Variants in AGPAT5 observed in about 807,000 individuals in gnomAD.
The protein encoded by AGPAT5 is 1-acyl-sn-glycerol-3-phosphate acyltransferase epsilon.
In AGPAT5, 46 loss-of-function variants were observed where a neutral mutation model predicts 45.6. That is an observed-to-expected ratio of 1.01 (90% CI 0.80 to 1.29). The LOEUF is 1.29. Ranked by LOEUF, AGPAT5 falls within the 50% of genes most tolerant of loss-of-function variation. AGPAT5 has a pLI of 0.00. For missense variants in AGPAT5, 673 were observed against 450.7 expected (o/e 1.49, Z -4.47); for synonymous variants, 272 against 167.0 (o/e 1.63, Z -4.85).
intron 1 of AGPAT5, 99 bp downstream of exon 1, chr8:6,708,986 C>T (rs748058111): frequency 2.3e-5 from 27 of 1,179,566 alleles, no homozygotes; most frequent in Non-Finnish European, 3.3e-5. Flanking sequence ...ACCCGGCCGG[C>T]CCGGCGGACC....
rs1330111118 is a variant in AGPAT5, at chr8:6,724,780, ATCATTCGTCAGTTTCT to A, written c.220-86_220-71del. 502 of 406,486 alleles carry A rather than the reference ATCATTCGTCAGTTTCT, an allele frequency of 1.2e-3. 5 individuals are homozygous for A. The highest frequency in any genetic ancestry group is 3.1e-5 in the Non-Finnish European group (7 of 223,936). 25.2% of individuals were successfully genotyped at this position (406,486 alleles called of 1,614,324 possible). ...AATCATGGATGGAAATATTCACAAC[ATCATTCGTCAGTTTCT>A]TCACATTGTCTTCCTTTGTATATTA... On this transcript the variant is annotated intron_variant, in intron 1 of 7. Transcript: ENST00000285518.
In AGPAT5 at chr8:6,712,848, A is replaced by G. The variant is rs545383743; in HGVS notation, c.219+3961A>G. Among the ~76,000 whole-genome samples, 95 of 152,348 alleles carry G rather than the reference A, an allele frequency of 6.2e-4. 1 individual carries two copies. The highest frequency in any genetic ancestry group is 2.2e-3 in the African/African-American group (93 of 41,592). On this transcript the variant is annotated intron_variant, in intron 1 of 7. Coordinates refer to ENST00000285518, the MANE Select transcript of AGPAT5 (RefSeq NM_018361.5). Reference sequence around the variant, plus strand: ...TTAGCATGTTCTGTGAAGCTGATAAATGTTAATAGGATGTCTTCAAATGTC... The same window carrying G: ...TTAGCATGTTCTGTGAAGCTGATAAGTGTTAATAGGATGTCTTCAAATGTC...
chr8:6,743,880 A>G (rs772076437), intron 5 of AGPAT5, among the ~76,000 whole-genome samples: 18 of 152,106 alleles, frequency 1.2e-4, no homozygotes, highest in Non-Finnish European at 2.4e-4. Flanking sequence ...TGATGTGTCT[A>G]TAATGGCAAA....
chr8:6,728,511 T>G (rs1157345195), intron 2 of AGPAT5, among the ~76,000 whole-genome samples: 1 of 152,240 alleles, frequency 6.6e-6, no homozygotes, highest in Non-Finnish European at 1.5e-5. Flanking sequence ...ATTATGAACA[T>G]GATGTATTTT....
intron 6 of AGPAT5, among the ~76,000 whole-genome samples, chr8:6,754,239 A>G (rs552182483): frequency 7.2e-4 from 109 of 152,346 alleles, no homozygotes; most frequent in African/African-American, 2.5e-3. Flanking sequence ...ACCTTGTGCA[A>G]TCGAGGCTGA....
chr8:6,742,145 G>C (rs1004641428), intron 5 of AGPAT5, among the ~76,000 whole-genome samples: 1 of 152,146 alleles, frequency 6.6e-6, no homozygotes, highest in African/African-American at 2.4e-5. Flanking sequence ...CTGTATGGTT[G>C]CAACTTGGAA....
chr8:6,737,515 A>G (rs1392365625), intron 4 of AGPAT5, among the ~76,000 whole-genome samples: 2 of 152,212 alleles, frequency 1.3e-5, no homozygotes, highest in African/African-American at 4.8e-5. Context: ...TGCTGGGACA[A>G]TACAGTATTT....
chr8:6,737,095 C>G (rs986394050), intron 4 of AGPAT5, among the ~76,000 whole-genome samples: 5 of 152,166 alleles, frequency 3.3e-5, no homozygotes, highest in African/African-American at 1.2e-4. Flanking sequence ...ACGAGAATAG[C>G]CTCCCTGTTT....
chr8:6,756,621 A>T (rs1801845539), intron 7 of AGPAT5, among the ~76,000 whole-genome samples: 2 of 152,030 alleles, frequency 1.3e-5, no homozygotes, highest in Non-Finnish European at 2.9e-5. Flanking sequence ...AAAAAAAAAA[A>T]AAAAAAGGAT....
intron 6 of AGPAT5, among the ~76,000 whole-genome samples, chr8:6,748,793 G>C (rs970595801): frequency 5.3e-5 from 8 of 152,122 alleles, no homozygotes; most frequent in Non-Finnish European, 8.8e-5. Flanking sequence ...TACCTCATCA[G>C]CTGTTTGGGG....
intron 1 of AGPAT5, among the ~76,000 whole-genome samples, chr8:6,720,865 C>G (rs1800474716): frequency 6.6e-6 from 1 of 152,198 alleles, no homozygotes; most frequent in African/African-American, 2.4e-5. Context: ...TCTCATTGAT[C>G]TCATTGAATG....
At chr8:6,713,283 C>CT (rs1800215131) in intron 1 of AGPAT5, among the ~76,000 whole-genome samples, 1 of 152,136 alleles carries the variant, frequency 6.6e-6, no homozygotes. Context: ...AATAAATATT[C>CT]TAATTACCGA....
chr8:6,717,001 A>T (rs1481780807), intron 1 of AGPAT5, among the ~76,000 whole-genome samples: 3 of 152,190 alleles, frequency 2.0e-5, no homozygotes, highest in Admixed American at 6.5e-5. Context: ...ACCCAAGTCT[A>T]GTGAGTCCGA....
At chr8:6,746,721 C>T (rs1171774059) in intron 5 of AGPAT5, among the ~76,000 whole-genome samples, 1 of 152,176 alleles carries the variant, frequency 6.6e-6, no homozygotes. Flanking sequence ...GGGACAGTCC[C>T]ACCATGTAAT....
intron 2 of AGPAT5, 48 bp from the exon 3 acceptor site, chr8:6,730,663 A>G: frequency 3.2e-6 from 4 of 1,269,430 alleles, no homozygotes; most frequent in Non-Finnish European, 3.4e-6. Flanking sequence ...TCATAGTACA[A>G]CCTGTGAAGA....
chr8:6,739,826 T>G (rs1801182252), intron 4 of AGPAT5, among the ~76,000 whole-genome samples: 1 of 152,132 alleles, frequency 6.6e-6, no homozygotes, highest in Non-Finnish European at 1.5e-5. Flanking sequence ...CCTTTCCATA[T>G]TCCTCATCTT....
At chr8:6,723,251 C>T (rs774223422) in intron 1 of AGPAT5, among the ~76,000 whole-genome samples, 2 of 152,300 alleles carry the variant, frequency 1.3e-5, no homozygotes, top group African/African-American at 2.4e-5. Context: ...CATTGAGGAG[C>T]TCATAGTCCC....
chr8:6,732,770 G>C, intron 4 of AGPAT5, 120 bp downstream of exon 4: 1 of 918,842 alleles, frequency 1.1e-6, no homozygotes, highest in Non-Finnish European at 1.6e-6. Context: ...ACTAATTCAG[G>C]GTTATGCTGA....
intron 1 of AGPAT5, among the ~76,000 whole-genome samples, chr8:6,722,402 T>G (rs1800531600): frequency 6.6e-6 from 1 of 152,220 alleles, no homozygotes; most frequent in Non-Finnish European, 1.5e-5. Context: ...GCAAAAGTTT[T>G]TTTTAAAAAA....
Sources: allele counts gnomAD v4.1 joint callset (sites outside exome capture counted in the v4.1 genomes callset), GRCh38; gene constraint gnomAD v4.1.1; transcripts MANE v1.5; gene names NCBI Gene and HGNC (gene_info 2026-07-23, HGNC 2026-07-21).